The following ZFAND3 variants were observed in gnomAD, a reference collection of about 807,000 sequenced individuals.
ZFAND3 encodes the protein zinc finger AN1-type containing 3, also known as AN1-type zinc finger protein 3.
A neutral mutation model predicts 29.6 loss-of-function variants in ZFAND3; 10 were observed. That is an observed-to-expected ratio of 0.34 (90% CI 0.21 to 0.57). ZFAND3 has a LOEUF of 0.57. Ranked by LOEUF, ZFAND3 falls within the 20% of genes least tolerant of loss-of-function variation. ZFAND3 has a pLI of 0.86. For synonymous variants in ZFAND3, 128 were observed against 112.6 expected (o/e 1.14, Z -0.87); for missense variants, 230 against 304.5 (o/e 0.76, Z 1.82).
In ZFAND3 at chr6:38,045,101, T is replaced by G. The variant is rs550610185; in HGVS notation, c.113-16492T>G. On this transcript the variant is annotated intron_variant, in intron 2 of 5. Coordinates refer to ENST00000287218, the MANE Select transcript of ZFAND3 (RefSeq NM_021943.3). ...TTATTTATTTATTTATTTATTTATT[T>G]ATTGAGATGGAATCTCACTCTGTCG... is the stretch of plus-strand genomic sequence containing the variant. 2.3e-3 allele frequency among the ~76,000 whole-genome samples: 336 copies of G among 146,178 alleles called. 2 individuals are homozygous for G. The highest frequency in any genetic ancestry group is 7.9e-3 in the African/African-American group (315 of 39,958).
chr6:37,822,297 A>T (rs768507195), intron 1 of ZFAND3, among the ~76,000 whole-genome samples: 1 of 152,216 alleles, frequency 6.6e-6, no homozygotes, highest in Non-Finnish European at 1.5e-5. Context: ...TTTACCTAGC[A>T]GGAGTAGTGA....
intron 4 of ZFAND3, among the ~76,000 whole-genome samples, chr6:38,089,688 C>T (rs551747065): frequency 6.6e-6 from 1 of 152,302 alleles, no homozygotes; most frequent in South Asian, 2.1e-4. Flanking sequence ...GTAATACCTA[C>T]ACTTGTGTGT....
chr6:37,992,894 A>G (rs941458853), intron 2 of ZFAND3, among the ~76,000 whole-genome samples: 6 of 152,136 alleles, frequency 3.9e-5, no homozygotes, highest in Non-Finnish European at 8.8e-5. Context: ...ACAGTGTCCA[A>G]CATTCTGCAT....
At chr6:37,899,351 T>C (rs1765277338) in intron 1 of ZFAND3, among the ~76,000 whole-genome samples, 1 of 152,232 alleles carries the variant, frequency 6.6e-6, no homozygotes, top group Non-Finnish European at 1.5e-5. Flanking sequence ...ACCTTCTTAC[T>C]TTTTTCCTGC....
chr6:37,977,365 G>A (rs1293684090), intron 2 of ZFAND3, among the ~76,000 whole-genome samples: 4 of 152,122 alleles, frequency 2.6e-5, no homozygotes, highest in African/African-American at 7.2e-5. Context: ...GCAGTAGCAC[G>A]ATCTCAGCTG....
At chr6:38,110,830 G>A (rs1401202894) in intron 4 of ZFAND3, among the ~76,000 whole-genome samples, 5 of 152,132 alleles carry the variant, frequency 3.3e-5, no homozygotes, top group African/African-American at 7.2e-5. Flanking sequence ...TGGCTTGTAC[G>A]GAGGCCTAAA....
At chr6:38,074,514 A>C (rs998984666) in intron 3 of ZFAND3, among the ~76,000 whole-genome samples, 1 of 152,210 alleles carries the variant, frequency 6.6e-6, no homozygotes, top group African/African-American at 2.4e-5. Context: ...CCATGCTAGT[A>C]AAGAAGTTAC....
At chr6:37,895,036 GGCT>G (rs1331399984) in intron 1 of ZFAND3, among the ~76,000 whole-genome samples, 6 of 151,808 alleles carry the variant, frequency 4.0e-5, no homozygotes, top group Non-Finnish European at 8.8e-5. Flanking sequence ...TGGATCAAAG[GGCT>G]TATTATGTTT....
chr6:38,075,489 T>C (rs1188005416), intron 3 of ZFAND3, among the ~76,000 whole-genome samples: 1 of 152,142 alleles, frequency 6.6e-6, no homozygotes. Flanking sequence ...AAAACTTTAA[T>C]GGATGAGGAG....
chr6:37,842,268 C>T (rs35122358), intron 1 of ZFAND3, among the ~76,000 whole-genome samples: 32,693 of 152,014 alleles, frequency 0.22, 4,348 homozygotes, highest in African/African-American at 0.37. Context: ...ATGCTACTCT[C>T]GCTCCAGAAA....
chr6:37,936,913 G>A (rs1440423497), intron 2 of ZFAND3, among the ~76,000 whole-genome samples: 1 of 152,210 alleles, frequency 6.6e-6, no homozygotes, highest in Non-Finnish European at 1.5e-5. Context: ...GGCGCAGGGT[G>A]AAATGGTAGA....
At chr6:38,134,045 G>C (rs1245397344) in intron 5 of ZFAND3, among the ~76,000 whole-genome samples, 1 of 152,136 alleles carries the variant, frequency 6.6e-6, no homozygotes, top group Non-Finnish European at 1.5e-5. Flanking sequence ...AAAAATGTAT[G>C]TACCTGACTG....
chr6:38,071,473 A>G (rs2127467104), intron 3 of ZFAND3, among the ~76,000 whole-genome samples: 1 of 152,172 alleles, frequency 6.6e-6, no homozygotes, highest in East Asian at 1.9e-4. Flanking sequence ...GAATAGTCCT[A>G]GTTTAAAATG....
intron 2 of ZFAND3, among the ~76,000 whole-genome samples, chr6:37,964,996 A>T (rs1256033048): frequency 6.6e-6 from 1 of 152,220 alleles, no homozygotes; most frequent in African/African-American, 2.4e-5. Context: ...TATTGTGTGT[A>T]AATGTAGGAT....
intron 2 of ZFAND3, among the ~76,000 whole-genome samples, chr6:38,056,657 T>C (rs1405201660): frequency 6.6e-6 from 1 of 152,182 alleles, no homozygotes; most frequent in Non-Finnish European, 1.5e-5. Flanking sequence ...AGTAAGAAGA[T>C]TGACGTGTGA....
At chr6:38,053,609 A>G (rs900908827) in intron 2 of ZFAND3, among the ~76,000 whole-genome samples, 7 of 152,092 alleles carry the variant, frequency 4.6e-5, no homozygotes, top group Non-Finnish European at 8.8e-5. Flanking sequence ...GCTTGAACCG[A>G]AGAGGCTTGA....
chr6:37,936,990 A>G (rs1472394972), intron 2 of ZFAND3, among the ~76,000 whole-genome samples: 1 of 144,700 alleles, frequency 6.9e-6, no homozygotes, highest in Non-Finnish European at 1.6e-5. Flanking sequence ...GAAGAGGATA[A>G]CAAATTCCCA....
chr6:37,852,310 G>T (rs1463762217), intron 1 of ZFAND3, among the ~76,000 whole-genome samples: 1 of 152,156 alleles, frequency 6.6e-6, no homozygotes, highest in Non-Finnish European at 1.5e-5. Flanking sequence ...CATCTATTCA[G>T]TAGAGGCCAA....
intron 1 of ZFAND3, among the ~76,000 whole-genome samples, chr6:37,838,633 C>T (rs2127372371): frequency 6.6e-6 from 1 of 152,248 alleles, no homozygotes; most frequent in East Asian, 1.9e-4. Context: ...TTTCAAGGTT[C>T]TTCCATGTTG....
Sources: allele counts gnomAD v4.1 joint callset (sites outside exome capture counted in the v4.1 genomes callset), GRCh38; gene constraint gnomAD v4.1.1; transcripts MANE v1.5; gene names NCBI Gene and HGNC (gene_info 2026-07-23, HGNC 2026-07-21).